Variants in SMIM35 observed in about 807,000 individuals in gnomAD.
SMIM35 encodes small integral membrane protein 35.
chr11:118,027,239 G>A lies in SMIM35; in HGVS notation c.8-11430C>T, dbSNP rs569543414. ...AGACGGGGTTTCACCTTGTTAGCCA[G>A]GATGGTCTCGATCTCCTGACCTCAT... On this transcript the variant is annotated intron_variant, in intron 1 of 4. Coordinates refer to ENST00000689828, the MANE Select transcript of SMIM35 (RefSeq NM_001394165.1). Among the ~76,000 whole-genome samples, 372 of 149,262 alleles carry A rather than the reference G, an allele frequency of 2.5e-3. 8 individuals carry two copies. Among genetic ancestry groups the A allele is most frequent in the African/African-American group, 9.0e-3 (362 of 40,224 alleles).
rs574972846 is a variant in SMIM35, at chr11:118,070,895, G to C, written c.7+15856C>G. ...CCAGGATCTACGCAGGGCCCACCAT[G>C]CATGGTCTAGGGCAAAAGGCCTAGG... is the stretch of plus-strand genomic sequence containing the variant. On this transcript the variant is annotated intron_variant, in intron 1 of 4. Transcript: ENST00000689828. 8.5e-5 allele frequency among the ~76,000 whole-genome samples: 13 copies of C among 152,302 alleles called. No individual in the cohort carries two copies. The South Asian group carries it at 1.0e-3, about 12-fold the overall frequency.
chr11:118,066,886 A>G (rs183227415), intron 1 of SMIM35, among the ~76,000 whole-genome samples: 2 of 151,028 alleles, frequency 1.3e-5, no homozygotes, highest in Non-Finnish European at 2.9e-5. Flanking sequence ...GCCAGTTTCT[A>G]TCAAGTAAAA....
chr11:118,035,042 C>A (rs1213797056), intron 1 of SMIM35, among the ~76,000 whole-genome samples: 2 of 151,680 alleles, frequency 1.3e-5, no homozygotes, highest in African/African-American at 4.8e-5. Context: ...ACCTCCAACT[C>A]CTGGGTTCAA....
At chr11:118,034,934 G>T (rs975188052) in intron 1 of SMIM35, among the ~76,000 whole-genome samples, 3 of 151,196 alleles carry the variant, frequency 2.0e-5, no homozygotes, top group African/African-American at 7.3e-5. Flanking sequence ...ATGAATATAA[G>T]TGGTGAGGAG....
intron 1 of SMIM35, among the ~76,000 whole-genome samples, chr11:118,050,579 C>A (rs1379674022): frequency 6.6e-6 from 1 of 152,188 alleles, no homozygotes; most frequent in South Asian, 2.1e-4. Context: ...TACAAAGTGG[C>A]GGTCACCCAT....
intron 1 of SMIM35, among the ~76,000 whole-genome samples, chr11:118,032,809 G>A (rs2058329871): frequency 6.6e-6 from 1 of 152,174 alleles, no homozygotes; most frequent in South Asian, 2.1e-4. Flanking sequence ...TCAGGAGGCT[G>A]AGGCACGAGA....
chr11:118,010,933 A>G (rs565969865), intron 4 of SMIM35, among the ~76,000 whole-genome samples: 1 of 152,298 alleles, frequency 6.6e-6, no homozygotes, highest in South Asian at 2.1e-4. Context: ...GGCTCAGCCA[A>G]ACCTGTGGCT....
chr11:118,018,073 T>C (rs2135027216), intron 1 of SMIM35, among the ~76,000 whole-genome samples: 1 of 151,604 alleles, frequency 6.6e-6, no homozygotes, highest in East Asian at 1.9e-4. Flanking sequence ...GTATCTAGAG[T>C]GAAAATGTCT....
chr11:118,004,727 G>C lies in SMIM35; in HGVS notation c.*1683C>G, dbSNP rs934576068. On this transcript the variant is annotated 3_prime_UTR_variant, in exon 5 of 5. Transcript: ENST00000689828. ...TTCACGCGATGACTTCCTGCCTTGA[G>C]GAAAAGCAGGCTGCCATCCCTTCAA... 1 of 152,192 alleles carries C rather than the reference G, an allele frequency of 6.6e-6. No homozygotes were observed. The highest frequency in any genetic ancestry group is 1.5e-5 in the Non-Finnish European group (1 of 68,036). 9.4% of individuals were successfully genotyped at this position (152,192 alleles called of 1,614,324 possible). A position where few individuals can be genotyped will look rare whatever the true frequency, so the allele number is the denominator to read the frequency against.
intron 4 of SMIM35, among the ~76,000 whole-genome samples, chr11:118,011,198 C>A (rs2058148736): frequency 6.6e-6 from 1 of 152,230 alleles, no homozygotes; most frequent in Non-Finnish European, 1.5e-5. Flanking sequence ...ACCCTCCGTG[C>A]TCCCAGCCCC....
chr11:118,029,228 G>A (rs1334908537), intron 1 of SMIM35, among the ~76,000 whole-genome samples: 3 of 152,152 alleles, frequency 2.0e-5, no homozygotes, highest in South Asian at 2.1e-4. Context: ...TTGGGAGGCC[G>A]AGGCAGGCGG....
chr11:118,049,679 G>T (rs1464889407), intron 1 of SMIM35, among the ~76,000 whole-genome samples: 1 of 151,948 alleles, frequency 6.6e-6, no homozygotes, highest in Non-Finnish European at 1.5e-5. Flanking sequence ...TAATTTTTGC[G>T]TGTGTGCTTT....
chr11:118,021,222 T>C (rs561406122), intron 1 of SMIM35, among the ~76,000 whole-genome samples: 2 of 152,230 alleles, frequency 1.3e-5, no homozygotes, highest in Admixed American at 1.3e-4. Flanking sequence ...TTGGAAATTA[T>C]TGTGAATGTT....
At chr11:118,064,550 C>T (rs745746450) in intron 1 of SMIM35, among the ~76,000 whole-genome samples, 1 of 152,232 alleles carries the variant, frequency 6.6e-6, no homozygotes, top group Non-Finnish European at 1.5e-5. Flanking sequence ...TCCTGAGTAG[C>T]TGGGACTACA....
In SMIM35 at chr11:118,003,749, A is replaced by G. The variant is rs2058108751; in HGVS notation, c.*2661T>C. ...CTGGGTACAGAGTGGTGAACCAAAC[A>G]AGTGTGGCTTCATGGAGCCTGTCAT... On this transcript the variant is annotated 3_prime_UTR_variant, in exon 5 of 5. Transcript: ENST00000689828. The G allele has an allele frequency of 6.6e-6, 1 of 152,260 alleles. No homozygotes were observed. The highest frequency in any genetic ancestry group is 2.4e-5 in the African/African-American group (1 of 41,452). The allele number at this position is 152,260 out of a possible 1,614,324, so 9.4% of individuals were successfully genotyped here.
intron 1 of SMIM35, among the ~76,000 whole-genome samples, chr11:118,037,640 A>G (rs1382098508): frequency 6.6e-6 from 1 of 152,204 alleles, no homozygotes. Flanking sequence ...ATTTTGAAGG[A>G]CTACTGCTGC....
chr11:118,015,796 G>C lies in SMIM35; in HGVS notation c.21C>G (p.Ile7Met). 1 of 399,294 alleles carries C rather than the reference G, an allele frequency of 2.5e-6. No individual in the cohort carries two copies. The highest frequency in any genetic ancestry group is 4.4e-5 in the Admixed American group (1 of 22,736). The allele number at this position is 399,294 out of a possible 1,614,324, so 24.7% of individuals were successfully genotyped here. Residue 7 changes from isoleucine (I) to methionine (M), a missense_variant, in exon 2 of 5, where the codon ATC becomes ATG. Ile to Met is a conservative substitution (Grantham distance 10). Coordinates refer to ENST00000689828, the MANE Select transcript of SMIM35 (RefSeq NM_001394165.1). ...CGCCAAGGATCAGGCCCAAGGTGCT[G>C]ATGGAGTCCTCACCTGCAGAGACAT... The part of the protein sequence containing the change: MTGEDS[I>M]STLGLILGVG...
At chr11:118,030,074 G>A (rs1222476651) in intron 1 of SMIM35, among the ~76,000 whole-genome samples, 2 of 151,664 alleles carry the variant, frequency 1.3e-5, no homozygotes, top group African/African-American at 2.4e-5. Context: ...TCACTCTGTC[G>A]CCCAGGCTGG....
intron 1 of SMIM35, among the ~76,000 whole-genome samples, chr11:118,037,071 T>A (rs184811059): frequency 1.3e-5 from 2 of 152,208 alleles, no homozygotes; most frequent in East Asian, 3.9e-4. Context: ...GATTCTTAGT[T>A]GGCTTAGGAA....
Sources: gnomAD v4.1 joint callset for allele counts (sites outside exome capture counted in the v4.1 genomes callset) on GRCh38, gnomAD v4.1.1 for gene constraint, MANE v1.5 for transcripts, NCBI Gene and HGNC (gene_info 2026-07-23, HGNC 2026-07-21) for gene names.